The following REELD1 variants were observed in gnomAD, a reference collection of about 807,000 sequenced individuals.
The protein encoded by REELD1 is reeler domain containing 1.
In REELD1, 12 loss-of-function variants were observed where a neutral mutation model predicts 6.3. That is an observed-to-expected ratio of 1.89 (90% CI 1.21 to 3.07). The LOEUF (loss-of-function observed/expected upper bound fraction) is 3.07, where lower values mean the gene tolerates loss of function less well. Among genes scored for constraint, REELD1 ranks in the 30% most tolerant of loss-of-function variants. The pLI is 0.00. For missense variants in REELD1, 163 were observed against 86.8 expected, an observed-to-expected ratio of 1.88 and a Z score of -3.49; for synonymous variants, 57 against 33.6, an observed-to-expected ratio of 1.70 and a Z score of -2.42.
chr4:146,228,628 TAAGTGTGTGA>T lies in REELD1; in HGVS notation c.908+109_908+118del, dbSNP rs543706332. The stretch of plus-strand genomic sequence containing the variant: ...AAAAGATCTCAGCCATATTTTTTCT[TAAGTGTGTGA>T]AAAACCCAGGATGTAGCAGGGCTAC... On this transcript the variant is annotated intron_variant, in intron 6 of 7. Coordinates refer to ENST00000623665, the MANE Select transcript of REELD1 (RefSeq NM_001354631.1). 3.8e-4 allele frequency: 231 copies of T among 603,840 alleles called. No individual in the cohort carries two copies. The African/African-American group carries it at 4.0e-3, about 10-fold the overall frequency. The allele number at this position is 603,840 out of a possible 1,614,324, so 37.4% of individuals were successfully genotyped here.
intron 3 of REELD1, among the ~76,000 whole-genome samples, chr4:146,221,596 C>T (rs1174363199): frequency 1.3e-5 from 2 of 152,198 alleles, no homozygotes; most frequent in South Asian, 2.1e-4. Context: ...TGCGGTGGCT[C>T]ACGCCTGTAA....
intron 2 of REELD1, among the ~76,000 whole-genome samples, chr4:146,216,372 A>C (rs1483728167): frequency 1.3e-5 from 2 of 152,262 alleles, no homozygotes; most frequent in African/African-American, 4.8e-5. Flanking sequence ...AAAAACAGCC[A>C]AAGAAAGGGC....
At chr4:146,218,565 GT>G (rs1317524978) in intron 3 of REELD1, among the ~76,000 whole-genome samples, 2 of 152,306 alleles carry the variant, frequency 1.3e-5, no homozygotes, top group Middle Eastern at 3.4e-3. Context: ...CTCTTGAGAA[GT>G]GTGAAAAAAC....
In REELD1 at chr4:146,231,253, C is replaced by A. The variant is rs1731126788; in HGVS notation, c.*740C>A. Among the ~76,000 whole-genome samples the A allele has an allele frequency of 1.3e-5, 2 of 152,206 alleles. No individual in the cohort carries two copies. The highest frequency in any genetic ancestry group is 1.3e-4 in the Admixed American group (2 of 15,284). On this transcript the variant is annotated 3_prime_UTR_variant, in exon 8 of 8. Coordinates refer to ENST00000623665, the MANE Select transcript of REELD1 (RefSeq NM_001354631.1). ...GTAAATGGATCTGAGACCTCCCATC[C>A]ATTTACACTTGATGGAAACATTCGT...
intron 5 of REELD1, among the ~76,000 whole-genome samples, chr4:146,225,887 C>T (rs1216036684): frequency 6.6e-6 from 1 of 152,122 alleles, no homozygotes; most frequent in African/African-American, 2.4e-5. Context: ...CTCCTTCTGG[C>T]CCCAGCCTGT....
intron 5 of REELD1, among the ~76,000 whole-genome samples, chr4:146,227,897 T>G (rs1021905268): frequency 6.6e-6 from 1 of 152,164 alleles, no homozygotes; most frequent in African/African-American, 2.4e-5. Context: ...GAAGCAGTTT[T>G]TGGCAGAGGT....
rs1731139877 is a variant in REELD1, at chr4:146,232,002, T to C, written c.*1489T>C. ...GTGGAAAGAAACAAAAGTACTGTAG[T>C]CTAATAAGGCCACAGATATCCCTTC... On this transcript the variant is annotated 3_prime_UTR_variant, in exon 8 of 8. Transcript: ENST00000623665. The C allele has an allele frequency of 6.6e-6, 1 of 152,290 alleles. No individual in the cohort carries two copies. Among genetic ancestry groups the C allele is most frequent in the South Asian group, 2.1e-4 (1 of 4,828 alleles). The allele number at this position is 152,290 out of a possible 1,614,324, so 9.4% of individuals were successfully genotyped here. A position where few individuals can be genotyped will look rare whatever the true frequency, so the allele number is the denominator to read the frequency against.
intron 5 of REELD1, among the ~76,000 whole-genome samples, chr4:146,225,780 A>G (rs1731011221): frequency 6.6e-6 from 1 of 152,174 alleles, no homozygotes; most frequent in South Asian, 2.1e-4. Context: ...GGGCCTTTCT[A>G]TGCCTGACTC....
At chr4:146,219,109 C>A (rs939062916) in intron 3 of REELD1, among the ~76,000 whole-genome samples, 1 of 152,064 alleles carries the variant, frequency 6.6e-6, no homozygotes, top group Non-Finnish European at 1.5e-5. Flanking sequence ...CTGAGATAGC[C>A]CCACTGCACT....
At chr4:146,215,572 A>G (rs996830956) in intron 2 of REELD1, among the ~76,000 whole-genome samples, 4 of 148,924 alleles carry the variant, frequency 2.7e-5, no homozygotes, top group Non-Finnish European at 4.4e-5. Flanking sequence ...TCCTTAGTCT[A>G]TTGTTCTGAT....
Position 146,224,479 on chromosome 4 carries a change from G to C in REELD1, c.466G>C (p.Ala156Pro). The change falls in exon 5 of 8, where the codon GCA (alanine) becomes CCA (proline). Residue 156 changes from alanine (A) to proline (P), a missense_variant. Physicochemically the swap from Ala to Pro is conservative, Grantham distance 27. Coordinates refer to ENST00000623665, the MANE Select transcript of REELD1 (RefSeq NM_001354631.1). ...AGTCCAGTCATATTTTGTTTACTGG[G>C]CAAGGATTGAATCATCTGTTGTGTC... ...SVVQSYFVYW[A>P]RIESSVVSQQ... is the part of the protein sequence containing the mutation. 1.5e-6 allele frequency: 1 copy of C among 676,046 alleles called. No individual in the cohort carries two copies. Among genetic ancestry groups the C allele is most frequent in the South Asian group, 1.6e-5 (1 of 64,454 alleles). The allele number at this position is 676,046 out of a possible 1,614,324, so 41.9% of individuals were successfully genotyped here.
chr4:146,220,704 A>G (rs958717326), intron 3 of REELD1, among the ~76,000 whole-genome samples: 5 of 152,260 alleles, frequency 3.3e-5, no homozygotes, highest in Non-Finnish European at 7.3e-5. Context: ...CTTAGACATT[A>G]GCTGTTCTCT....
chr4:146,230,421 G>A lies in REELD1; in HGVS notation c.1489G>A (p.Val497Ile), dbSNP rs145153913. 152 of 398,724 alleles carry A rather than the reference G, an allele frequency of 3.8e-4. No homozygotes were observed. Among genetic ancestry groups the A allele is most frequent in the African/African-American group, 1.7e-3 (84 of 48,778 alleles). The allele number at this position is 398,724 out of a possible 1,614,324, so 24.7% of individuals were successfully genotyped here. ...ARSNSGETVH[V>I]RKIGENSFVL... ...GAGCAACAGTGGTGAGACTGTGCAC[G>A]TCAGGAAGATTGGGGAGAACAGTTT... Residue 497 changes from valine (V) to isoleucine (I), a missense_variant, in exon 8 of 8, where the codon GTC becomes ATC. Val to Ile is a conservative substitution (Grantham distance 29). Coordinates refer to ENST00000623665, the MANE Select transcript of REELD1 (RefSeq NM_001354631.1).
At chr4:146,222,068 T>A (rs1730933567) in intron 3 of REELD1, among the ~76,000 whole-genome samples, 1 of 152,340 alleles carries the variant, frequency 6.6e-6, no homozygotes, top group South Asian at 2.1e-4. Flanking sequence ...CACACTTTAC[T>A]CATCTTTTCC....
chr4:146,220,510 T>G (rs1730905146), intron 3 of REELD1, among the ~76,000 whole-genome samples: 2 of 152,194 alleles, frequency 1.3e-5, no homozygotes, highest in South Asian at 4.1e-4. Flanking sequence ...AGTTTCTGCT[T>G]TGGGTGAAGC....
In REELD1 at chr4:146,231,354, TGAAGAACA is replaced by T. The variant is rs1354757520; in HGVS notation, c.*843_*850del. Reference sequence around the variant, plus strand: ...AAAACATTATTATACCAGCATAGTTTGAAGAACAGTCTTTACTTGTCTTTTCAGGGAAT... The same window carrying T: ...AAAACATTATTATACCAGCATAGTTTGTCTTTACTTGTCTTTTCAGGGAAT... On this transcript the variant is annotated 3_prime_UTR_variant, in exon 8 of 8. Coordinates refer to ENST00000623665, the MANE Select transcript of REELD1 (RefSeq NM_001354631.1). Among the ~76,000 whole-genome samples the T allele has an allele frequency of 1.3e-5, 2 of 152,220 alleles. No homozygotes were observed. Among genetic ancestry groups the T allele is most frequent in the East Asian group, 3.8e-4 (2 of 5,202 alleles).
Position 146,231,914 on chromosome 4 carries a change from C to T in REELD1, c.*1401C>T, listed in dbSNP as rs1731138430. On this transcript the variant is annotated 3_prime_UTR_variant, in exon 8 of 8. Transcript: ENST00000623665. Reference sequence around the variant, plus strand: ...GGTAGCTCTGTTCCCTGGCTTCAGCCATTAGATGCATGGAGACCTAGGTAA... The same window carrying T: ...GGTAGCTCTGTTCCCTGGCTTCAGCTATTAGATGCATGGAGACCTAGGTAA... The T allele has an allele frequency of 6.6e-6, 1 of 152,176 alleles. No individual in the cohort carries two copies. Among genetic ancestry groups the T allele is most frequent in the African/African-American group, 2.4e-5 (1 of 41,444 alleles). The allele number at this position is 152,176 out of a possible 1,614,324, so 9.4% of individuals were successfully genotyped here. A position where few individuals can be genotyped will look rare whatever the true frequency, so the allele number is the denominator to read the frequency against.
intron 1 of REELD1, 45 bp downstream of exon 1, chr4:146,214,739 T>G (rs977789775): frequency 1.3e-5 from 2 of 152,320 alleles, no homozygotes; most frequent in Non-Finnish European, 2.9e-5. Context: ...AGACAAGGTC[T>G]CCCTGTGATG....
At position 146,229,906 on chromosome 4, in the gene REELD1, A is replaced by G. The variant is rs968387233; in HGVS notation, c.974A>G (p.Asp325Gly). 1.5e-5 allele frequency: 6 copies of G among 398,486 alleles called. No individual in the cohort carries two copies. The highest frequency in any genetic ancestry group is 2.2e-5 in the Non-Finnish European group (5 of 226,112). 24.7% of individuals were successfully genotyped at this position (398,486 alleles called of 1,614,324 possible). Residue 325 changes from aspartate to glycine, a missense_variant and splice_region_variant, in exon 8 of 8, where the codon GAC becomes GGC. Asp to Gly is a moderately conservative substitution (Grantham distance 94). Transcript: ENST00000623665. Reference sequence around the variant, plus strand: ...TCTTTTTTCCCTTTGTTTTTCTAGGACAAGACGAAGGCCTCTAACAGGACC... The same window carrying G: ...TCTTTTTTCCCTTTGTTTTTCTAGGGCAAGACGAAGGCCTCTAACAGGACC... Reference protein sequence around the residue: ...TCLSSDGGEQDKTKASNRTVT... With the variant: ...TCLSSDGGEQGKTKASNRTVT...
Sources: gnomAD v4.1 joint callset for allele counts (sites outside exome capture counted in the v4.1 genomes callset) on GRCh38, gnomAD v4.1.1 for gene constraint, MANE v1.5 for transcripts, NCBI Gene and HGNC (gene_info 2026-07-23, HGNC 2026-07-21) for gene names.